Variants in NID1 observed in about 807,000 individuals in gnomAD.
NID1 encodes the protein nidogen-1.
A neutral mutation model predicts 130.6 loss-of-function variants in NID1; 76 were observed. That is an observed-to-expected ratio of 0.58 (90% CI 0.48 to 0.70). The LOEUF (loss-of-function observed/expected upper bound fraction) is 0.70, where lower values mean the gene tolerates loss of function less well. Ranked by LOEUF, NID1 falls within the 30% of genes least tolerant of loss-of-function variation. The pLI is 0.00. For missense variants in NID1, 1,517 were observed against 1,664.8 expected (o/e 0.91, Z 1.54); for synonymous variants, 665 against 675.1 (o/e 0.98, Z 0.23).
At chr1:236,028,202 G>A (rs1051620391) in intron 7 of NID1, among the ~76,000 whole-genome samples, 2 of 152,180 alleles carry the variant, frequency 1.3e-5, no homozygotes, top group Non-Finnish European at 2.9e-5. Context: ...CTTAAAAAGT[G>A]TTTTCAAAGA....
Position 235,977,681 on chromosome 1 carries a change from T to G in NID1, c.*186A>C, listed in dbSNP as rs1657308344. ...TGTCCTTGTGTAGGGGTGGAGACTTTTCTATTAGAGAAGTCCAGGGTGCAT... is the reference window on the plus strand; with the variant it reads ...TGTCCTTGTGTAGGGGTGGAGACTTGTCTATTAGAGAAGTCCAGGGTGCAT... On this transcript the variant is annotated 3_prime_UTR_variant, in exon 20 of 20. Transcript: ENST00000264187. The G allele has an allele frequency of 1.6e-6, 1 of 607,836 alleles. No individual in the cohort carries two copies. Among genetic ancestry groups the G allele is most frequent in the African/African-American group, 1.9e-5 (1 of 53,940 alleles). 37.7% of individuals were successfully genotyped at this position (607,836 alleles called of 1,614,324 possible).
At chr1:236,045,424 A>T (rs1247542039) in intron 3 of NID1, 33 bp downstream of exon 3, 1 of 1,421,298 alleles carries the variant, frequency 7.0e-7, no homozygotes, top group East Asian at 2.3e-5. Flanking sequence ...AAATATTAAG[A>T]GGAGAATCTA....
rs141740607 is a variant in NID1 at position 235,988,735 on chromosome 1, G to A, written c.2928+2151C>T. On this transcript the variant is annotated intron_variant, in intron 14 of 19. Coordinates refer to ENST00000264187, the MANE Select transcript of NID1 (RefSeq NM_002508.3). ...ATGCTACAATGTGGATGAACCTGAG[G>A]ACATTATGCTAAGTGAAATATGCCA... 2.0e-5 allele frequency among the ~76,000 whole-genome samples: 3 copies of A among 152,296 alleles called. No individual in the cohort carries two copies. The East Asian group carries it at 5.8e-4, about 29-fold the overall frequency.
At chr1:236,009,783 T>C (rs1658356499) in intron 12 of NID1, among the ~76,000 whole-genome samples, 2 of 152,242 alleles carry the variant, frequency 1.3e-5, no homozygotes, top group African/African-American at 4.8e-5. Context: ...ATTTATATTT[T>C]TTTCTATTAC....
At chr1:236,048,151 G>A (rs1293034776) in intron 2 of NID1, among the ~76,000 whole-genome samples, 4 of 150,650 alleles carry the variant, frequency 2.7e-5, no homozygotes, top group African/African-American at 9.8e-5. Context: ...GGCTAACATG[G>A]TGAAACCCTG....
At chr1:236,013,743 C>T (rs1658501684) in intron 10 of NID1, among the ~76,000 whole-genome samples, 183 bp from the exon 11 acceptor site, 1 of 152,180 alleles carries the variant, frequency 6.6e-6, no homozygotes, top group Non-Finnish European at 1.5e-5. Flanking sequence ...TTCCTCCCAC[C>T]TGGGTTCTGC....
chr1:236,010,575 C>T (rs904973941), intron 12 of NID1, among the ~76,000 whole-genome samples: 4 of 152,232 alleles, frequency 2.6e-5, no homozygotes, highest in Non-Finnish European at 4.4e-5. Context: ...GCTAGGATTA[C>T]AGGCGAGAGC....
intron 1 of NID1, among the ~76,000 whole-genome samples, chr1:236,058,164 G>A (rs545903079): frequency 1.3e-5 from 2 of 152,142 alleles, no homozygotes; most frequent in Non-Finnish European, 2.9e-5. Flanking sequence ...GCATTAAGGA[G>A]TAAAAACTTG....
chr1:236,011,706 C>T (rs969110206), intron 12 of NID1, among the ~76,000 whole-genome samples: 1 of 152,250 alleles, frequency 6.6e-6, no homozygotes, highest in African/African-American at 2.4e-5. Context: ...GCCTCACCTT[C>T]TCTCCCAGGG....
At chr1:236,017,102 G>A (rs530585942) in intron 10 of NID1, 46 bp downstream of exon 10, 1 of 1,612,550 alleles carries the variant, frequency 6.2e-7, no homozygotes, top group South Asian at 1.1e-5. Flanking sequence ...AAGAGCTAAT[G>A]CACACCATGT....
intron 12 of NID1, among the ~76,000 whole-genome samples, chr1:236,003,254 T>C (rs1212309754): frequency 6.6e-6 from 1 of 152,226 alleles, no homozygotes; most frequent in East Asian, 1.9e-4. Context: ...TCCCTTTTCC[T>C]GCCCAGTTAC....
At chr1:236,039,403 C>T (rs897149038) in intron 4 of NID1, among the ~76,000 whole-genome samples, 2 of 151,210 alleles carry the variant, frequency 1.3e-5, no homozygotes, top group African/African-American at 4.9e-5. Flanking sequence ...TTTTAAATCA[C>T]CTCCCACCCC....
intron 5 of NID1, among the ~76,000 whole-genome samples, chr1:236,034,996 C>T (rs1291231990): frequency 0.011 from 1,520 of 142,612 alleles, 23 homozygotes; most frequent in Non-Finnish European, 0.017. Context: ...TTCTTTCTTT[C>T]TTTTTTTTTA....
chr1:235,993,328 C>T, intron 13 of NID1, among the ~76,000 whole-genome samples: 1 of 152,320 alleles, frequency 6.6e-6, no homozygotes, highest in Non-Finnish European at 1.5e-5. Context: ...GCCTGGAGCA[C>T]ACACAGCCGC....
chr1:236,042,076 A>C lies in NID1; in HGVS notation c.969T>G (p.Ala323=), dbSNP rs1253128355. 1.2e-6 allele frequency: 2 copies of C among 1,614,160 alleles called. No individual in the cohort carries two copies. The highest frequency in any genetic ancestry group is 1.3e-5 in the African/African-American group (1 of 75,032). Residue 323 remains alanine, a synonymous_variant, in exon 4 of 20, where the codon GCT becomes GCG. Coordinates refer to ENST00000264187, the MANE Select transcript of NID1 (RefSeq NM_002508.3). ...FSYKALRRGG[A]DTYSVPSVLS... is the part of the protein sequence containing the mutation. ...GGACGCTGGGCACACTGTATGTGTC[A>C]GCACCTCCCCTTCTCAGAGCCTTGT...
chr1:235,981,736 G>C lies in NID1; in HGVS notation c.3102C>G (p.Asn1034Lys). Residue 1034 changes from asparagine (N) to lysine (K), a missense_variant, in exon 16 of 20, where the codon AAC becomes AAG. By Grantham distance (94) the Asn-to-Lys change is moderately conservative (BLOSUM62 0). This residue lies in a region of NID1 where 1,329 missense variants were observed against 1,429.2 expected (regional missense o/e 0.93). Coordinates refer to ENST00000264187, the MANE Select transcript of NID1 (RefSeq NM_002508.3). ...EGIAVDHLGR[N>K]IFWTDSNLDR... Reference sequence around the variant, plus strand: ...CCAGGTTAGAGTCTGTCCAGAAGATGTTGCGGCCAAGGTGATCAACAGCGA... The same window carrying C: ...CCAGGTTAGAGTCTGTCCAGAAGATCTTGCGGCCAAGGTGATCAACAGCGA... The C allele has an allele frequency of 6.2e-7, 1 of 1,614,102 alleles. No individual in the cohort carries two copies. Among genetic ancestry groups the C allele is most frequent in the Non-Finnish European group, 8.5e-7 (1 of 1,179,968 alleles).
intron 10 of NID1, 38 bp from the exon 11 acceptor site, chr1:236,013,598 A>G: frequency 6.2e-7 from 1 of 1,613,454 alleles, no homozygotes; most frequent in East Asian, 2.2e-5. Flanking sequence ...CTTAGGAAGA[A>G]AGTCCCCTGA....
chr1:236,001,208 C>T (rs1474318873), intron 12 of NID1, among the ~76,000 whole-genome samples: 1 of 151,480 alleles, frequency 6.6e-6, no homozygotes, highest in Non-Finnish European at 1.5e-5. Context: ...CGGGTTCAAG[C>T]GATTCTCCTG....
chr1:236,057,655 G>A (rs1008388114), intron 1 of NID1, among the ~76,000 whole-genome samples: 7 of 151,238 alleles, frequency 4.6e-5, no homozygotes, highest in African/African-American at 1.2e-4. Context: ...CCGAAATCTC[G>A]CCACTGCACT....
Sources: gnomAD v4.1 joint callset for allele counts (sites outside exome capture counted in the v4.1 genomes callset) on GRCh38, gnomAD v4.1.1 for gene constraint, gnomAD v4.1.1 regional missense constraint, MANE v1.5 for transcripts, NCBI Gene and HGNC (gene_info 2026-07-23, HGNC 2026-07-21) for gene names.